The following SH3GL2 variants were observed in gnomAD, a reference collection of about 807,000 sequenced individuals.
The protein encoded by SH3GL2 is endophilin-A1.
In SH3GL2, 24 loss-of-function variants were observed where a neutral mutation model predicts 46.0. That is an observed-to-expected ratio of 0.52 (90% CI 0.38 to 0.73). The LOEUF (loss-of-function observed/expected upper bound fraction) is 0.73, where lower values mean the gene tolerates loss of function less well. SH3GL2 is among the 30% of genes least tolerant of loss of function. The pLI is 0.00. For missense variants in SH3GL2, 413 were observed against 424.2 expected (o/e 0.97, Z 0.23); for synonymous variants, 196 against 147.1 (o/e 1.33, Z -2.40).
chr9:17,656,753 AGAGT>A (rs1820086469), intron 1 of SH3GL2, among the ~76,000 whole-genome samples: 1 of 139,844 alleles, frequency 7.2e-6, no homozygotes. Context: ...CCTGGGCGAC[AGAGT>A]GAGACTACAT....
At position 17,757,821 on chromosome 9, in the gene SH3GL2, C is replaced by G. The variant is rs563221143; in HGVS notation, c.115-3616C>G. Among the ~76,000 whole-genome samples, 10 of 152,244 alleles carry G rather than the reference C, an allele frequency of 6.6e-5. No homozygotes were observed. The South Asian group carries it at 1.9e-3, about 28-fold the overall frequency. ...TATGCTAAGTTAATCAGGCCTGTTA[C>G]TAAGAGAATATGTACTTGGATATTA... On this transcript the variant is annotated intron_variant, in intron 2 of 8. Coordinates refer to ENST00000380607, the MANE Select transcript of SH3GL2 (RefSeq NM_003026.5).
At chr9:17,583,327 G>A (rs925163419) in intron 1 of SH3GL2, among the ~76,000 whole-genome samples, 1 of 152,162 alleles carries the variant, frequency 6.6e-6, no homozygotes, top group African/African-American at 2.4e-5. Context: ...ACAGTATTAA[G>A]AAATGGGGCC....
intron 3 of SH3GL2, among the ~76,000 whole-genome samples, chr9:17,774,724 T>G (rs1200623210): frequency 6.6e-6 from 1 of 152,184 alleles, no homozygotes; most frequent in African/African-American, 2.4e-5. Flanking sequence ...TTCACAACAA[T>G]GATCGTAAGA....
intron 1 of SH3GL2, among the ~76,000 whole-genome samples, chr9:17,675,536 C>T (rs1340192723): frequency 6.6e-6 from 1 of 152,142 alleles, no homozygotes; most frequent in African/African-American, 2.4e-5. Flanking sequence ...GTTATTTTTC[C>T]CTAGAACTTC....
chr9:17,754,752 G>T (rs147401682), intron 2 of SH3GL2, among the ~76,000 whole-genome samples: 17 of 152,150 alleles, frequency 1.1e-4, no homozygotes, highest in African/African-American at 4.1e-4. Context: ...TGTGGCAATT[G>T]TGAAGGAGAT....
intron 3 of SH3GL2, among the ~76,000 whole-genome samples, chr9:17,778,888 T>A (rs1208401085): frequency 6.6e-6 from 1 of 152,140 alleles, no homozygotes; most frequent in Non-Finnish European, 1.5e-5. Flanking sequence ...TCATTAATAT[T>A]GAGAGTACTA....
At chr9:17,604,303 G>A (rs1818721375) in intron 1 of SH3GL2, among the ~76,000 whole-genome samples, 1 of 152,194 alleles carries the variant, frequency 6.6e-6, no homozygotes, top group African/African-American at 2.4e-5. Context: ...CACACAGACC[G>A]TTAACTTTTC....
intron 1 of SH3GL2, among the ~76,000 whole-genome samples, chr9:17,690,406 A>T (rs1821046225): frequency 6.6e-6 from 1 of 151,990 alleles, no homozygotes. Flanking sequence ...AGCTCCCTTG[A>T]TTTTGACCTC....
chr9:17,731,351 C>T (rs534857351), intron 1 of SH3GL2, among the ~76,000 whole-genome samples: 17 of 150,574 alleles, frequency 1.1e-4, no homozygotes, highest in Admixed American at 6.0e-4. Flanking sequence ...AGGGTAGAAC[C>T]CTGCTGATGG....
At chr9:17,770,908 C>CTGG in intron 3 of SH3GL2, among the ~76,000 whole-genome samples, 1 of 152,306 alleles carries the variant, frequency 6.6e-6, no homozygotes, top group East Asian at 1.9e-4. Flanking sequence ...TCTCCCCTCT[C>CTGG]TGGCCTCCAC....
intron 1 of SH3GL2, among the ~76,000 whole-genome samples, chr9:17,701,225 T>C (rs1372511762): frequency 5.3e-5 from 8 of 152,308 alleles, no homozygotes; most frequent in Admixed American, 4.6e-4. Context: ...GGAATCAGAC[T>C]GACTACAAAA....
chr9:17,764,053 A>T (rs556580927), intron 3 of SH3GL2, among the ~76,000 whole-genome samples: 1 of 152,198 alleles, frequency 6.6e-6, no homozygotes, highest in Admixed American at 6.5e-5. Context: ...ACAATATTGC[A>T]TGTGCTAATT....
chr9:17,628,409 T>TGG (rs895044829), intron 1 of SH3GL2, among the ~76,000 whole-genome samples: 68 of 104,002 alleles, frequency 6.5e-4, no homozygotes, highest in Admixed American at 1.9e-3. Flanking sequence ...AACTATATCT[T>TGG]GGGTGTGTGT....
chr9:17,617,177 A>G (rs1181036241), intron 1 of SH3GL2, among the ~76,000 whole-genome samples: 2 of 152,194 alleles, frequency 1.3e-5, no homozygotes, highest in Non-Finnish European at 2.9e-5. Context: ...ATTCTGTTGT[A>G]TTATTATGCC....
intron 7 of SH3GL2, among the ~76,000 whole-genome samples, chr9:17,792,792 C>G (rs1046972975): frequency 6.6e-6 from 1 of 152,214 alleles, no homozygotes; most frequent in African/African-American, 2.4e-5. Flanking sequence ...CAACCACACC[C>G]CTGTGTTCCT....
intron 1 of SH3GL2, among the ~76,000 whole-genome samples, chr9:17,623,440 A>G (rs185370119): frequency 8.9e-4 from 136 of 152,282 alleles, no homozygotes; most frequent in African/African-American, 8.9e-4. Flanking sequence ...TGACCTATCA[A>G]TCTTAGGGAA....
At chr9:17,638,932 T>C (rs1423095701) in intron 1 of SH3GL2, among the ~76,000 whole-genome samples, 1 of 152,250 alleles carries the variant, frequency 6.6e-6, no homozygotes, top group African/African-American at 2.4e-5. Flanking sequence ...AATTACATTG[T>C]TGGATCCCAT....
At chr9:17,747,589 C>G (rs982516989) in intron 2 of SH3GL2, among the ~76,000 whole-genome samples, 1 of 152,166 alleles carries the variant, frequency 6.6e-6, no homozygotes, top group Non-Finnish European at 1.5e-5. Flanking sequence ...AGAGCTTGTC[C>G]AACCTTGGCC....
intron 3 of SH3GL2, among the ~76,000 whole-genome samples, chr9:17,777,725 T>C (rs1467425014): frequency 6.6e-6 from 1 of 152,112 alleles, no homozygotes; most frequent in Non-Finnish European, 1.5e-5. Flanking sequence ...CTTCCTCTCT[T>C]ATAAGGTTAC....
Sources: allele counts gnomAD v4.1 joint callset (sites outside exome capture counted in the v4.1 genomes callset), GRCh38; gene constraint gnomAD v4.1.1; transcripts MANE v1.5; gene names NCBI Gene and HGNC (gene_info 2026-07-23, HGNC 2026-07-21).